PHC3: variants seen among roughly 807,000 people sequenced by gnomAD.
PHC3 encodes the protein polyhomeotic-like protein 3.
Under a neutral mutation model 107.4 loss-of-function variants are expected in PHC3, and 13 were observed. The ratio of observed to expected loss-of-function variants is 0.12; its 90% confidence interval spans 0.08 to 0.19. The LOEUF is 0.19. PHC3 is among the 10% of genes least tolerant of loss of function. The probability of loss-of-function intolerance (pLI) is 1.00; values close to 1 mark genes in which losing one functional copy is unlikely to be tolerated. For missense variants in PHC3, 992 were observed against 1,210.9 expected (o/e 0.82, Z 2.68); for synonymous variants, 456 against 427.4 (o/e 1.07, Z -0.83).
chr3:170,111,587 T>C (rs1219024566), intron 11 of PHC3, among the ~76,000 whole-genome samples: 9 of 152,214 alleles, frequency 5.9e-5, no homozygotes, highest in Non-Finnish European at 4.4e-5. Context: ...TGGGGATTTA[T>C]TATACGATTC....
chr3:170,157,723 C>T (rs1727112022), intron 4 of PHC3, among the ~76,000 whole-genome samples: 1 of 151,984 alleles, frequency 6.6e-6, no homozygotes. Flanking sequence ...ATAAATATAT[C>T]AAATGGACTC....
chr3:170,129,119 G>A lies in PHC3; in HGVS notation c.1353C>T (p.Ser451=). ...ALQPGPNLQQ[S]TANQVQATAQ... ...CTGTAGCTTGCACCTGATTAGCAGT[G>A]GACTGCTGCAAATTTGGCCCTGGCT... Residue 451 remains serine, a synonymous_variant, in exon 8 of 15, where the codon TCC becomes TCT. Transcript: ENST00000495893. The A allele has an allele frequency of 6.2e-7, 1 of 1,613,248 alleles. No homozygotes were observed. Among genetic ancestry groups the A allele is most frequent in the Non-Finnish European group, 8.5e-7 (1 of 1,179,528 alleles).
intron 14 of PHC3, among the ~76,000 whole-genome samples, chr3:170,098,271 G>A (rs1215429549): frequency 2.0e-5 from 3 of 152,116 alleles, no homozygotes; most frequent in Non-Finnish European, 4.4e-5. Flanking sequence ...TAGCTGAGAT[G>A]AGAGAATATA....
At chr3:170,148,851 ATCTC>A (rs1265737991) in intron 5 of PHC3, 2 of 388,322 alleles carry the variant, frequency 5.2e-6, no homozygotes, top group Non-Finnish European at 9.3e-6. Context: ...ACGTTACTGA[ATCTC>A]TATTAGCTTC....
chr3:170,100,915 G>T (rs903174000), intron 14 of PHC3, among the ~76,000 whole-genome samples: 5 of 152,092 alleles, frequency 3.3e-5, no homozygotes, highest in African/African-American at 1.2e-4. Context: ...GAAAAATCAG[G>T]CTCACAAACA....
rs757218252 is a variant in PHC3 at position 170,089,776 on chromosome 3, G to A, written c.*7454C>T. 6.6e-6 allele frequency: 1 copy of A among 152,002 alleles called. No homozygotes were observed. Among genetic ancestry groups the A allele is most frequent in the Non-Finnish European group, 1.5e-5 (1 of 68,020 alleles). 9.4% of individuals were successfully genotyped at this position (152,002 alleles called of 1,614,324 possible). On this transcript the variant is annotated 3_prime_UTR_variant, in exon 15 of 15. Transcript: ENST00000495893. ...TACTAAAAATACAAAAATTAGCCAG[G>A]TGTGGCGGCGGGCACCTGTAATTCC...
intron 4 of PHC3, among the ~76,000 whole-genome samples, chr3:170,164,898 C>A (rs1189439569): frequency 2.0e-5 from 3 of 152,154 alleles, no homozygotes; most frequent in Non-Finnish European, 4.4e-5. Context: ...AACTGTGGCC[C>A]CACCCATGTC....
chr3:170,149,567 G>A (rs1725563029), intron 4 of PHC3, among the ~76,000 whole-genome samples: 2 of 152,000 alleles, frequency 1.3e-5, no homozygotes, highest in African/African-American at 4.8e-5. Context: ...TGATTCTCCT[G>A]CCTAAGCCTC....
intron 6 of PHC3, among the ~76,000 whole-genome samples, chr3:170,142,718 AACTT>A (rs1179040678): frequency 6.6e-6 from 1 of 152,174 alleles, no homozygotes. Flanking sequence ...ACATGGTTCC[AACTT>A]ACTTTCTGAT....
chr3:170,132,461 T>C (rs1340611821), intron 7 of PHC3, among the ~76,000 whole-genome samples: 4 of 152,342 alleles, frequency 2.6e-5, no homozygotes, highest in Non-Finnish European at 4.4e-5. Flanking sequence ...TGTGTATTTG[T>C]AGATGGGGCC....
intron 4 of PHC3, 24 bp downstream of exon 4, chr3:170,171,349 G>GAA: frequency 6.6e-7 from 1 of 1,511,296 alleles, no homozygotes; most frequent in Non-Finnish European, 9.0e-7. Flanking sequence ...TTAAATCCAG[G>GAA]AAAAAAAAAT....
chr3:170,162,783 T>C (rs536695174), intron 4 of PHC3, among the ~76,000 whole-genome samples: 139 of 152,314 alleles, frequency 9.1e-4, no homozygotes, highest in African/African-American at 3.0e-3. Flanking sequence ...AATTTCCTCA[T>C]GATTAGGATT....
intron 8 of PHC3, 144 bp downstream of exon 8, chr3:170,128,540 C>G: frequency 8.4e-7 from 1 of 1,189,506 alleles, no homozygotes; most frequent in Non-Finnish European, 1.1e-6. Context: ...GCCCATACAG[C>G]ATGTTTGTCA....
chr3:170,125,234 TAAC>T (rs1721058660), intron 8 of PHC3, among the ~76,000 whole-genome samples: 1 of 152,122 alleles, frequency 6.6e-6, no homozygotes, highest in Non-Finnish European at 1.5e-5. Context: ...TTCATGATAA[TAAC>T]AGTTTTTTAA....
At chr3:170,129,717 G>A (rs1309513359) in intron 7 of PHC3, among the ~76,000 whole-genome samples, 165 bp from the exon 8 acceptor site, 6 of 143,412 alleles carry the variant, frequency 4.2e-5, no homozygotes, top group Non-Finnish European at 9.1e-5. Context: ...TTTTTTTTTT[G>A]AGACAGAGTC....
rs1016691525 is a variant in PHC3 at position 170,091,896 on chromosome 3, A to G, written c.*5334T>C. ...ATTCTTTTTCCAAAGAAGGTAATCT[A>G]ATTTTAAATTTATTTGAAGAAAGCT... On this transcript the variant is annotated 3_prime_UTR_variant, in exon 15 of 15. Transcript: ENST00000495893. 10 of 152,210 alleles carry G rather than the reference A, an allele frequency of 6.6e-5. 1 individual carries two copies. The highest frequency in any genetic ancestry group is 6.5e-4 in the Admixed American group (10 of 15,282). The allele number at this position is 152,210 out of a possible 1,614,324, so 9.4% of individuals were successfully genotyped here. A position where few individuals can be genotyped will look rare whatever the true frequency, so the allele number is the denominator to read the frequency against.
At chr3:170,099,705 TA>T (rs1715173091) in intron 14 of PHC3, among the ~76,000 whole-genome samples, 1 of 152,062 alleles carries the variant, frequency 6.6e-6, no homozygotes, top group African/African-American at 2.4e-5. Flanking sequence ...AAACTCAAAA[TA>T]AAACACCCTG....
Position 170,171,417 on chromosome 3 carries a change from G to A in PHC3, c.370C>T (p.Pro124Ser). Residue 124 changes from proline to serine, a missense_variant, in exon 4 of 15, where the codon CCC becomes TCC. By Grantham distance (74) the Pro-to-Ser change is moderately conservative (BLOSUM62 -1). Around this residue, in one of 6 missense-constraint regions of PHC3, gnomAD observed 161 missense variants for 183.7 expected, o/e 0.88. Coordinates refer to ENST00000495893, the MANE Select transcript of PHC3 (RefSeq NM_024947.4). ...SLSSGRPSTS[P>S]TGSVTQQSSM... ...GACTGCTGTGTGACACTTCCTGTGG[G>A]AGATGTAGATGGTCTTCCACTGGAC... is the stretch of plus-strand genomic sequence containing the variant. 1.2e-6 allele frequency: 2 copies of A among 1,607,432 alleles called. No homozygotes were observed. The highest frequency in any genetic ancestry group is 1.1e-5 in the South Asian group (1 of 88,810).
At chr3:170,103,460 G>C (rs1715858295) in intron 12 of PHC3, among the ~76,000 whole-genome samples, 1 of 152,126 alleles carries the variant, frequency 6.6e-6, no homozygotes, top group Admixed American at 6.5e-5. Context: ...AGATTTTAAA[G>C]TTACACAAGG....
Sources: allele counts gnomAD v4.1 joint callset (sites outside exome capture counted in the v4.1 genomes callset), GRCh38; gene constraint gnomAD v4.1.1; regional missense constraint gnomAD v4.1.1; transcripts MANE v1.5; gene names NCBI Gene and HGNC (gene_info 2026-07-23, HGNC 2026-07-21).